Variants in CCNY observed in about 807,000 individuals in gnomAD.
CCNY encodes the protein cyclin Y, also known as cyclin-Y.
A neutral mutation model predicts 42.8 loss-of-function variants in CCNY; 19 were observed. That is an observed-to-expected ratio of 0.44 (90% CI 0.31 to 0.65). The LOEUF (loss-of-function observed/expected upper bound fraction) is 0.65, where lower values mean the gene tolerates loss of function less well. CCNY is among the 30% of genes least tolerant of loss of function. The pLI is 0.07. For missense variants in CCNY, 370 were observed against 437.3 expected (o/e 0.85, Z 1.37); for synonymous variants, 165 against 162.7 (o/e 1.01, Z -0.11).
intron 4 of CCNY, among the ~76,000 whole-genome samples, chr10:35,521,296 C>T (rs1008550390): frequency 6.6e-6 from 1 of 152,192 alleles, no homozygotes; most frequent in African/African-American, 2.4e-5. Context: ...CAGAGCTGAC[C>T]AAGCCTCTGA....
At chr10:35,309,126 T>G (rs1317374747) in intron 3 of CCNY, among the ~76,000 whole-genome samples, 1 of 152,130 alleles carries the variant, frequency 6.6e-6, no homozygotes, top group Non-Finnish European at 1.5e-5. Flanking sequence ...GAATCAGCCA[T>G]GCAGAGGGAA....
chr10:35,309,980 T>C (rs1231088039), intron 3 of CCNY, among the ~76,000 whole-genome samples: 1 of 152,008 alleles, frequency 6.6e-6, no homozygotes, highest in Non-Finnish European at 1.5e-5. Context: ...TTTTGTATTT[T>C]CAGTAGAGGC....
intron 1 of CCNY, among the ~76,000 whole-genome samples, chr10:35,406,750 C>G (rs2135239351): frequency 6.6e-6 from 1 of 152,318 alleles, no homozygotes; most frequent in African/African-American, 2.4e-5. Flanking sequence ...TTGGGCGCAC[C>G]TCCCAGACGG....
At chr10:35,380,972 TTAAC>T (rs1452375816) in intron 1 of CCNY, among the ~76,000 whole-genome samples, 1 of 152,216 alleles carries the variant, frequency 6.6e-6, no homozygotes, top group Non-Finnish European at 1.5e-5. Flanking sequence ...GAGTACCATT[TTAAC>T]TCTGATAGGC....
chr10:35,534,552 G>T (rs1435359152), intron 7 of CCNY, among the ~76,000 whole-genome samples: 2 of 152,158 alleles, frequency 1.3e-5, no homozygotes, highest in African/African-American at 4.8e-5. Flanking sequence ...ACAGGAGGGG[G>T]TGTGGTCCCT....
At chr10:35,406,370 C>G (rs988843624) in intron 1 of CCNY, among the ~76,000 whole-genome samples, 1 of 151,692 alleles carries the variant, frequency 6.6e-6, no homozygotes, top group African/African-American at 2.4e-5. Flanking sequence ...GGCAGAGGAC[C>G]CTGTGGCCTT....
At chr10:35,437,750 A>G (rs573744079) in intron 1 of CCNY, among the ~76,000 whole-genome samples, 5 of 152,260 alleles carry the variant, frequency 3.3e-5, no homozygotes, top group African/African-American at 1.2e-4. Context: ...AGAATTTTAT[A>G]AAATCTGTAG....
intron 2 of CCNY, among the ~76,000 whole-genome samples, chr10:35,249,348 A>T (rs2135018782): frequency 6.6e-6 from 1 of 152,332 alleles, no homozygotes; most frequent in East Asian, 1.9e-4. Context: ...TTTGCAAGCA[A>T]TGAAGCAAGG....
chr10:35,335,443 T>A (rs1009818143), upstream of CCNY, among the ~76,000 whole-genome samples: 1 of 152,114 alleles, frequency 6.6e-6, no homozygotes, highest in Non-Finnish European at 1.5e-5. Context: ...AATATTAAAA[T>A]AGCTCTGGGA....
chr10:35,544,053 A>AT (rs943743752), intron 7 of CCNY, among the ~76,000 whole-genome samples: 5 of 152,258 alleles, frequency 3.3e-5, no homozygotes, highest in Non-Finnish European at 7.3e-5. Flanking sequence ...AGTTTAAAAA[A>AT]TTTTTAAAGT....
intron 4 of CCNY, among the ~76,000 whole-genome samples, chr10:35,518,297 C>T (rs1183139769): frequency 1.3e-5 from 2 of 152,220 alleles, no homozygotes. Context: ...CTGGCTGCAC[C>T]TAGGAGTCAC....
intron 1 of CCNY, chr10:35,455,325 T>C (rs1415487129): frequency 6.6e-6 from 1 of 152,158 alleles, no homozygotes; most frequent in Non-Finnish European, 1.5e-5. Flanking sequence ...AAACAACAGA[T>C]AAATGTGGAT....
At position 35,430,424 on chromosome 10, in the gene CCNY, A is replaced by AT. The variant is rs557001034; in HGVS notation, c.155-52972dup. On this transcript the variant is annotated intron_variant, in intron 1 of 9. Coordinates refer to ENST00000374704, the MANE Select transcript of CCNY (RefSeq NM_145012.6). ...TTCGTCCATAGTTAATTTCATGGTA[A>AT]TTTTTTTTAAAGACACAGGTGAAGG... Among the ~76,000 whole-genome samples, 499 of 151,206 alleles carry AT rather than the reference A, an allele frequency of 3.3e-3. 4 individuals are homozygous for AT. The highest frequency in any genetic ancestry group is 0.011 in the African/African-American group (472 of 41,218).
chr10:35,516,772 G>A (rs887041947), intron 4 of CCNY, 149 bp downstream of exon 4: 7 of 563,380 alleles, frequency 1.2e-5, no homozygotes, highest in African/African-American at 3.9e-5. Flanking sequence ...GATTGGATGG[G>A]TGGGAGTAGG....
rs575250865 is a variant in CCNY at position 35,462,555 on chromosome 10, A to G, written c.155-20849A>G. Among the ~76,000 whole-genome samples the G allele has an allele frequency of 4.6e-5, 7 of 152,346 alleles. No individual in the cohort carries two copies. In the South Asian group the frequency reaches 8.3e-4, roughly 18 times the overall value. On this transcript the variant is annotated intron_variant, in intron 1 of 9. Transcript: ENST00000374704. ...CTTACTCTGAACCTAACAGGAAGCG[A>G]TTGAACTTTCAGAAACACAGAGGGC...
intron 1 of CCNY, among the ~76,000 whole-genome samples, chr10:35,450,554 C>T (rs1033920736): frequency 6.6e-6 from 1 of 151,968 alleles, no homozygotes; most frequent in Non-Finnish European, 1.5e-5. Context: ...AGCGTTTCTT[C>T]TGATGGAAAG....
intron 7 of CCNY, among the ~76,000 whole-genome samples, chr10:35,537,642 G>A (rs1369295479): frequency 6.6e-6 from 1 of 152,092 alleles, no homozygotes; most frequent in Non-Finnish European, 1.5e-5. Flanking sequence ...GCTGGATTTC[G>A]GGCTTGCTTG....
intron 7 of CCNY, among the ~76,000 whole-genome samples, chr10:35,534,162 C>T (rs983056558): frequency 3.9e-5 from 6 of 152,168 alleles, no homozygotes; most frequent in Non-Finnish European, 8.8e-5. Context: ...GCTGGGATTA[C>T]AGGCTTGCGC....
At chr10:35,397,679 A>G (rs559404555) in intron 1 of CCNY, among the ~76,000 whole-genome samples, 4 of 152,310 alleles carry the variant, frequency 2.6e-5, no homozygotes, top group South Asian at 2.1e-4. Flanking sequence ...GGCTAGGAGC[A>G]GCAGTGCTGG....
Sources: gnomAD v4.1 joint callset for allele counts (sites outside exome capture counted in the v4.1 genomes callset) on GRCh38, gnomAD v4.1.1 for gene constraint, MANE v1.5 for transcripts, NCBI Gene and HGNC (gene_info 2026-07-23, HGNC 2026-07-21) for gene names.